LPAR6: variants seen among roughly 807,000 people sequenced by gnomAD.
LPAR6 encodes the protein G-protein coupled purinergic receptor P2Y5.
In LPAR6, 17 loss-of-function variants were observed where a neutral mutation model predicts 22.0. The ratio of observed to expected loss-of-function variants is 0.77; its 90% CI spans 0.53 to 1.16. The LOEUF (loss-of-function observed/expected upper bound fraction) is 1.16, where lower values mean the gene tolerates loss of function less well. LPAR6 is among the 50% of genes most tolerant of loss of function. The pLI is 0.00. For missense variants in LPAR6, 384 were observed against 406.9 expected (o/e 0.94, Z 0.48); for synonymous variants, 136 against 139.8 (o/e 0.97, Z 0.19).
At position 48,411,339 on chromosome 13, in the gene LPAR6, A is replaced by T. The variant is rs752390313; in HGVS notation, c.*50T>A. ...GTTTGTCCAAAAAGACACTTTTCAC[A>T]GTTGAAGGAACTTGAAAGTTCTGTC... On this transcript the variant is annotated 3_prime_UTR_variant, in exon 1 of 1. Coordinates refer to ENST00000620633, the MANE Select transcript of LPAR6 (RefSeq NM_001162498.3). The T allele has an allele frequency of 7.1e-7, 1 of 1,417,540 alleles. No individual in the cohort carries two copies. Among genetic ancestry groups the T allele is most frequent in the South Asian group, 1.2e-5 (1 of 86,570 alleles). The allele number at this position is 1,417,540 out of a possible 1,614,324, so 87.8% of individuals were successfully genotyped here.
downstream of LPAR6, among the ~76,000 whole-genome samples, chr13:48,407,526 A>G (rs1338722473): frequency 4.6e-5 from 7 of 152,222 alleles, no homozygotes; most frequent in Admixed American, 4.6e-4. Flanking sequence ...TAAAAATGAT[A>G]AAGAGAAAAT....
intron 1 of LPAR6, among the ~76,000 whole-genome samples, chr13:48,443,358 C>CT (rs1370070996): frequency 1.3e-5 from 2 of 151,778 alleles, no homozygotes; most frequent in Non-Finnish European, 2.9e-5. Context: ...TATTCATTTG[C>CT]TTTTTTATTT....
chr13:48,423,497 C>T (rs1414701136), intron 1 of LPAR6, among the ~76,000 whole-genome samples: 1 of 152,072 alleles, frequency 6.6e-6, no homozygotes, highest in Non-Finnish European at 1.5e-5. Context: ...AAAAGGCTTC[C>T]CTTTATGTTT....
At chr13:48,405,905 A>G (rs1333013258) in intron 1 of LPAR6, among the ~76,000 whole-genome samples, 1 of 151,960 alleles carries the variant, frequency 6.6e-6, no homozygotes, top group Non-Finnish European at 1.5e-5. Flanking sequence ...GTGCTCTTTT[A>G]TGCTTTTTTT....
At chr13:48,415,074 G>C (rs534943330), upstream of LPAR6, among the ~76,000 whole-genome samples, 2 of 151,704 alleles carry the variant, frequency 1.3e-5, no homozygotes, top group African/African-American at 4.8e-5. Flanking sequence ...CTCCTCTTTA[G>C]TCATCTTTAA....
chr13:48,432,452 G>T (rs1949140160), intron 1 of LPAR6, among the ~76,000 whole-genome samples: 1 of 151,090 alleles, frequency 6.6e-6, no homozygotes. Context: ...CTACTTGCCA[G>T]TGTTCTGAAA....
chr13:48,391,354 T>C (rs1370490335), intron 1 of LPAR6: 2 of 152,198 alleles, frequency 1.3e-5, no homozygotes, highest in African/African-American at 2.4e-5. Context: ...TTAAAGAGAA[T>C]TCAAAACAAG....
At chr13:48,396,272 C>T (rs1196515102) in intron 1 of LPAR6, among the ~76,000 whole-genome samples, 1 of 152,138 alleles carries the variant, frequency 6.6e-6, no homozygotes, top group Non-Finnish European at 1.5e-5. Context: ...ATAATCAAAA[C>T]AGCATGGTAC....
intron 2 of LPAR6, among the ~76,000 whole-genome samples, chr13:48,418,374 G>A (rs1948950108): frequency 6.6e-6 from 1 of 152,072 alleles, no homozygotes; most frequent in South Asian, 2.1e-4. Context: ...AAGAGCTCCT[G>A]AAGGAAGCAC....
At chr13:48,441,203 C>A (rs1469679780) in intron 1 of LPAR6, among the ~76,000 whole-genome samples, 1 of 152,186 alleles carries the variant, frequency 6.6e-6, no homozygotes, top group Non-Finnish European at 1.5e-5. Context: ...ATAGATGGCA[C>A]CTTCTTACCA....
At chr13:48,415,732 CAT>C (rs760600296), upstream of LPAR6, 10 of 152,180 alleles carry the variant, frequency 6.6e-5, no homozygotes, top group African/African-American at 1.9e-4. Flanking sequence ...ATGATTCTCA[CAT>C]GTTTGCTGAT....
chr13:48,418,186 G>A (rs1022653331), intron 2 of LPAR6, among the ~76,000 whole-genome samples: 1 of 151,842 alleles, frequency 6.6e-6, no homozygotes. Flanking sequence ...GGATCTCTCT[G>A]CAGAAACCCT....
chr13:48,433,893 A>G (rs992579019), intron 1 of LPAR6, among the ~76,000 whole-genome samples: 1 of 151,656 alleles, frequency 6.6e-6, no homozygotes, highest in Non-Finnish European at 1.5e-5. Flanking sequence ...ATGTATATAC[A>G]TATATACTTT....
At chr13:48,407,571 T>C (rs940849520), downstream of LPAR6, among the ~76,000 whole-genome samples, 6 of 152,358 alleles carry the variant, frequency 3.9e-5, no homozygotes, top group African/African-American at 1.4e-4. Context: ...AGGAGTTATG[T>C]ACATGCTGAT....
At chr13:48,400,820 T>C (rs1948685609) in intron 1 of LPAR6, among the ~76,000 whole-genome samples, 1 of 152,142 alleles carries the variant, frequency 6.6e-6, no homozygotes, top group Admixed American at 6.6e-5. Flanking sequence ...GTACCCTTCA[T>C]TCCTTTTCCT....
chr13:48,403,034 A>G (rs1231126215), intron 1 of LPAR6, among the ~76,000 whole-genome samples: 1 of 151,952 alleles, frequency 6.6e-6, no homozygotes, highest in African/African-American at 2.4e-5. Flanking sequence ...ATGTCCTATT[A>G]AAATATGAGC....
At chr13:48,393,353 G>A (rs1279578187) in intron 1 of LPAR6, among the ~76,000 whole-genome samples, 2 of 152,140 alleles carry the variant, frequency 1.3e-5, no homozygotes, top group African/African-American at 4.8e-5. Flanking sequence ...GGGGACCACT[G>A]GGCTGCATTC....
At chr13:48,391,014 T>C (rs1948606837) in intron 1 of LPAR6, among the ~76,000 whole-genome samples, 1 of 152,158 alleles carries the variant, frequency 6.6e-6, no homozygotes, top group Admixed American at 6.5e-5. Flanking sequence ...CATTTTCTAT[T>C]TGTCTCATCT....
rs1421416663 is a variant in LPAR6 at position 48,412,217 on chromosome 13, A to C, written c.207T>G (p.Thr69=). 6.2e-7 allele frequency: 1 copy of C among 1,614,022 alleles called. No individual in the cohort carries two copies. ...TGAAGTAAAAAATCCTGAAGGGTAA[A>C]GTAAAAACAAAAAGCAAGTCTGACA... ...LAMSDLLFVF[T]LPFRIFYFTT... The change falls in exon 1 of 1, where the codon ACT becomes ACG. Residue 69 remains threonine (T), a synonymous_variant. Coordinates refer to ENST00000620633, the MANE Select transcript of LPAR6 (RefSeq NM_001162498.3).
Sources: gnomAD v4.1 joint callset for allele counts (sites outside exome capture counted in the v4.1 genomes callset) on GRCh38, gnomAD v4.1.1 for gene constraint, MANE v1.5 for transcripts, NCBI Gene and HGNC (gene_info 2026-07-23, HGNC 2026-07-21) for gene names.